Variants in NLRC4 observed in about 807,000 individuals in gnomAD.
NLRC4 encodes the protein NLR family CARD domain containing 4, also known as NLR family CARD domain-containing protein 4.
A neutral mutation model predicts 79.9 loss-of-function variants in NLRC4; 63 were observed. The observed-to-expected ratio is 0.79, with a 90% CI of 0.64 to 0.97. The LOEUF (loss-of-function observed/expected upper bound fraction) is 0.97, where lower values mean the gene tolerates loss of function less well. Among genes scored for constraint, NLRC4 ranks in the 50% least tolerant of loss-of-function variants. The probability of loss-of-function intolerance (pLI) is 0.00; values close to 1 mark genes in which losing one functional copy is unlikely to be tolerated. For synonymous variants in NLRC4, 461 were observed against 456.5 expected (o/e 1.01, Z -0.12); for missense variants, 1,074 against 1,215.2 (o/e 0.88, Z 1.73).
At chr2:32,244,254 AT>A (rs1343057706) in intron 4 of NLRC4, among the ~76,000 whole-genome samples, 10 of 152,218 alleles carry the variant, frequency 6.6e-5, no homozygotes, top group Non-Finnish European at 1.3e-4. Context: ...TGCCTCAAAA[AT>A]AATCTAAAAA....
chr2:32,233,349 A>ATATATATATATATATAT (rs1418146489), intron 8 of NLRC4, among the ~76,000 whole-genome samples: 16 of 41,092 alleles, frequency 3.9e-4, no homozygotes, highest in Non-Finnish European at 6.6e-4. Flanking sequence ...ATATATATAT[A>ATATATATATATATATAT]TTTTTTTTTT....
At chr2:32,246,800 G>T (rs2148939871) in intron 4 of NLRC4, among the ~76,000 whole-genome samples, 1 of 152,138 alleles carries the variant, frequency 6.6e-6, no homozygotes, top group Non-Finnish European at 1.5e-5. Context: ...TTTTCTTTTT[G>T]GAGATAGGGT....
intron 1 of NLRC4, among the ~76,000 whole-genome samples, chr2:32,259,516 C>T (rs922008545): frequency 6.6e-6 from 1 of 151,916 alleles, no homozygotes; most frequent in African/African-American, 2.4e-5. Context: ...ATGTAAGTTG[C>T]AGACGTTAGT....
chr2:32,251,688 G>T, intron 3 of NLRC4, 87 bp from the exon 4 acceptor site: 2 of 874,462 alleles, frequency 2.3e-6, no homozygotes, highest in Admixed American at 2.3e-5. Flanking sequence ...GGGGGGTGAG[G>T]CTGAGAATCT....
At chr2:32,245,359 A>G (rs1686910980) in intron 4 of NLRC4, among the ~76,000 whole-genome samples, 1 of 150,918 alleles carries the variant, frequency 6.6e-6, no homozygotes, top group African/African-American at 2.4e-5. Context: ...CATTATGGTA[A>G]GTGAAATAAG....
chr2:32,245,310 CAAAA>C (rs58301612), intron 4 of NLRC4, among the ~76,000 whole-genome samples: 2 of 77,952 alleles, frequency 2.6e-5, no homozygotes, highest in Non-Finnish European at 2.3e-5. Context: ...GACTCCTTCT[CAAAA>C]AAAAAAAAAA....
chr2:32,228,316 A>G (rs1573466527), intron 8 of NLRC4, among the ~76,000 whole-genome samples: 1 of 152,148 alleles, frequency 6.6e-6, no homozygotes, highest in Non-Finnish European at 1.5e-5. Context: ...CTTAGGAGAA[A>G]TGGAACTGCC....
chr2:32,230,147 TAGG>T (rs1363172023), intron 8 of NLRC4, among the ~76,000 whole-genome samples: 1 of 151,906 alleles, frequency 6.6e-6, no homozygotes, highest in African/African-American at 2.4e-5. Flanking sequence ...TGCCCTTAGG[TAGG>T]AGAAGAGAAA....
chr2:32,246,875 A>G (rs750626576), intron 4 of NLRC4, among the ~76,000 whole-genome samples: 5 of 152,152 alleles, frequency 3.3e-5, no homozygotes, highest in Non-Finnish European at 5.9e-5. Flanking sequence ...TCCTGGGCTC[A>G]AGTGATCCTC....
chr2:32,233,320 A>AATAT lies in NLRC4; in HGVS notation c.2782+2077_2782+2080dup, dbSNP rs1257781417. Reference sequence around the variant, plus strand: ...TTTTCATTTGTCTTAAGAAATTTTAAATATATATATATATATATATATATA... The same window carrying AATAT: ...TTTTCATTTGTCTTAAGAAATTTTAAATATATATATATATATATATATATATATA... On this transcript the variant is annotated intron_variant, in intron 8 of 8. Transcript: ENST00000402280. Among the ~76,000 whole-genome samples, 136 of 67,184 alleles carry AATAT rather than the reference A, an allele frequency of 2.0e-3. 2 individuals carry two copies. The highest frequency in any genetic ancestry group is 0.012 in the Middle Eastern group (1 of 86). 44.1% of individuals were successfully genotyped at this position (67,184 alleles called of 152,430 possible). A position where few individuals can be genotyped will look rare whatever the true frequency, so the allele number is the denominator to read the frequency against.
intron 8 of NLRC4, among the ~76,000 whole-genome samples, chr2:32,233,184 GGAAGGA>G (rs1558447030): frequency 2.1e-5 from 2 of 93,678 alleles, no homozygotes; most frequent in Admixed American, 1.1e-4. Flanking sequence ...AAGGAAGGAA[GGAAGGA>G]AGGAAGGGAG....
At chr2:32,256,650 A>T (rs1687213066) in intron 2 of NLRC4, 125 bp downstream of exon 2, 1 of 690,502 alleles carries the variant, frequency 1.4e-6, no homozygotes, top group East Asian at 2.5e-5. Context: ...ACAACAGAAG[A>T]ATATTTATTG....
At chr2:32,233,184 GGA>G (rs1558447028) in intron 8 of NLRC4, among the ~76,000 whole-genome samples, 2 of 93,678 alleles carry the variant, frequency 2.1e-5, no homozygotes, top group African/African-American at 8.0e-5. Context: ...AAGGAAGGAA[GGA>G]AGGAAGGAAG....
chr2:32,235,483 C>T lies in NLRC4; in HGVS notation c.2700G>A (p.Leu900=). The T allele has an allele frequency of 1.2e-6, 2 of 1,614,190 alleles. No homozygotes were observed. The highest frequency in any genetic ancestry group is 1.7e-6 in the Non-Finnish European group (2 of 1,179,992). Residue 900 remains leucine, a synonymous_variant, in exon 8 of 9, where the codon TTG becomes TTA. Coordinates refer to ENST00000402280, the MANE Select transcript of NLRC4 (RefSeq NM_001199138.2). ...GTTGTGGGACCTCCTCCAAATGTTT[C>T]AACAGGCTGCTCAGGCTGCCTTGCA... ...CDVQGSLSSL[L]KHLEEVPQLV...
At chr2:32,243,401 C>A (rs913098828) in intron 4 of NLRC4, among the ~76,000 whole-genome samples, 1 of 151,650 alleles carries the variant, frequency 6.6e-6, no homozygotes, top group African/African-American at 2.4e-5. Flanking sequence ...CAGAGTGAGA[C>A]CCCATCTCGA....
At chr2:32,238,666 G>GA (rs546363318) in intron 5 of NLRC4, among the ~76,000 whole-genome samples, 5 of 151,504 alleles carry the variant, frequency 3.3e-5, no homozygotes, top group African/African-American at 9.7e-5. Context: ...TTAAACAGCG[G>GA]GGGGGCTGAG....
At chr2:32,262,160 C>G (rs1687368771) in intron 1 of NLRC4, among the ~76,000 whole-genome samples, 1 of 152,070 alleles carries the variant, frequency 6.6e-6, no homozygotes. Context: ...ATTTTGGTGT[C>G]AGGATTGCGT....
intron 2 of NLRC4, among the ~76,000 whole-genome samples, chr2:32,255,830 T>C (rs1010998934): frequency 4.6e-5 from 7 of 151,994 alleles, no homozygotes; most frequent in African/African-American, 1.7e-4. Context: ...CTGGCTAATA[T>C]GGTGAAACCT....
intron 1 of NLRC4, 46 bp from the exon 2 acceptor site, chr2:32,256,939 C>A: frequency 1.8e-6 from 1 of 570,898 alleles, no homozygotes. Context: ...GGTGGAGGGG[C>A]TGATGCAATT....
Sources: allele counts gnomAD v4.1 joint callset (sites outside exome capture counted in the v4.1 genomes callset), GRCh38; gene constraint gnomAD v4.1.1; transcripts MANE v1.5; gene names NCBI Gene and HGNC (gene_info 2026-07-23, HGNC 2026-07-21).